Variants in CCNY observed in about 807,000 individuals in gnomAD.
CCNY encodes the protein cyclin Y, also known as cyclin-Y.
In CCNY, 19 loss-of-function variants were observed where a neutral mutation model predicts 42.8. That is an observed-to-expected ratio of 0.44 (90% confidence interval 0.31 to 0.65). The LOEUF (loss-of-function observed/expected upper bound fraction) is 0.65. Among genes scored for constraint, CCNY ranks in the 30% least tolerant of loss-of-function variants. The pLI, the probability that CCNY is intolerant of heterozygous loss-of-function variation, is 0.07. For missense variants in CCNY, 370 were observed against 437.3 expected, an observed-to-expected ratio of 0.85 and a Z score of 1.37; for synonymous variants, 165 against 162.7, an observed-to-expected ratio of 1.01 and a Z score of -0.11.
At chr10:35,382,394 T>C (rs947716319) in intron 1 of CCNY, among the ~76,000 whole-genome samples, 1 of 152,178 alleles carries the variant, frequency 6.6e-6, no homozygotes, top group Non-Finnish European at 1.5e-5. Context: ...CTTGATGCCT[T>C]CTCTTGGGAG....
At chr10:35,511,792 A>G (rs917152670) in intron 3 of CCNY, among the ~76,000 whole-genome samples, 7 of 152,184 alleles carry the variant, frequency 4.6e-5, no homozygotes, top group Admixed American at 3.3e-4. Context: ...TGTTCCTTTC[A>G]TCTTTGAATT....
At chr10:35,560,248 T>C (rs1474754296) in intron 8 of CCNY, among the ~76,000 whole-genome samples, 2 of 152,194 alleles carry the variant, frequency 1.3e-5, no homozygotes, top group Non-Finnish European at 2.9e-5. Context: ...AAGATGGACA[T>C]GAATTCTGAA....
intron 3 of CCNY, among the ~76,000 whole-genome samples, chr10:35,290,334 TGA>T (rs765083510): frequency 1.3e-5 from 2 of 151,646 alleles, no homozygotes; most frequent in Non-Finnish European, 2.9e-5. Flanking sequence ...TGGACTCACT[TGA>T]GCCCAGGAGG....
intron 1 of CCNY, among the ~76,000 whole-genome samples, chr10:35,371,290 T>G (rs1836931432): frequency 6.6e-6 from 1 of 152,226 alleles, no homozygotes; most frequent in Non-Finnish European, 1.5e-5. Flanking sequence ...GTTATTTAAC[T>G]TGGACTCTCA....
intron 1 of CCNY, among the ~76,000 whole-genome samples, chr10:35,478,366 T>C (rs2135357912): frequency 6.6e-6 from 1 of 151,920 alleles, no homozygotes; most frequent in East Asian, 1.9e-4. Flanking sequence ...GCTGGAGGCA[T>C]CACACTACCT....
chr10:35,465,938 A>AGTGTGTGTGTGTGTGTGTGTGTGTGTGT (rs1312410028), intron 1 of CCNY, among the ~76,000 whole-genome samples: 1 of 80,960 alleles, frequency 1.2e-5, no homozygotes, highest in African/African-American at 4.4e-5. Context: ...AGAGAGAGAG[A>AGTGTGTGTGTGTGTGTGTGTGTGTGTGT]GTGTGTGTGT....
chr10:35,330,336 C>G (rs1291830536), intron 3 of CCNY, among the ~76,000 whole-genome samples: 1 of 152,188 alleles, frequency 6.6e-6, no homozygotes, highest in Non-Finnish European at 1.5e-5. Context: ...TGAATCATTT[C>G]TTTTTCCTAC....
At chr10:35,356,340 A>G (rs1836548621) in intron 1 of CCNY, among the ~76,000 whole-genome samples, 3 of 152,204 alleles carry the variant, frequency 2.0e-5, no homozygotes, top group African/African-American at 7.2e-5. Context: ...TTATGCTTGT[A>G]CATCTTAAGA....
upstream of CCNY, among the ~76,000 whole-genome samples, chr10:35,333,148 C>T (rs116479364): frequency 5.9e-3 from 899 of 152,168 alleles, 12 homozygotes; most frequent in African/African-American, 0.021. Context: ...AAGCCATCTT[C>T]CTAATCCTCC....
chr10:35,487,534 T>G (rs1005088597), intron 2 of CCNY, among the ~76,000 whole-genome samples: 3 of 152,124 alleles, frequency 2.0e-5, no homozygotes, highest in Admixed American at 6.5e-5. Context: ...CTAGACTGAT[T>G]TAGATGGCAC....
intron 3 of CCNY, among the ~76,000 whole-genome samples, chr10:35,264,032 A>G (rs1406934485): frequency 6.6e-6 from 1 of 152,212 alleles, no homozygotes; most frequent in Non-Finnish European, 1.5e-5. Context: ...ATGGCTGCAT[A>G]GTATTCCATG....
chr10:35,309,919 G>A (rs1404100957), intron 3 of CCNY, among the ~76,000 whole-genome samples: 1 of 151,696 alleles, frequency 6.6e-6, no homozygotes, highest in East Asian at 1.9e-4. Flanking sequence ...TCCTGCCTCA[G>A]CCTTCCGAGT....
intron 2 of CCNY, among the ~76,000 whole-genome samples, chr10:35,483,984 C>T (rs1839731038): frequency 6.6e-6 from 1 of 151,834 alleles, no homozygotes; most frequent in South Asian, 2.1e-4. Flanking sequence ...TAAGTTTATT[C>T]TTGTAGATCG....
chr10:35,352,814 A>G (rs1836456752), intron 1 of CCNY, among the ~76,000 whole-genome samples: 1 of 152,216 alleles, frequency 6.6e-6, no homozygotes, highest in Non-Finnish European at 1.5e-5. Flanking sequence ...GTGAGGGGAA[A>G]GAGTGGTGAA....
intron 1 of CCNY, among the ~76,000 whole-genome samples, chr10:35,405,488 A>G (rs904501663): frequency 1.3e-5 from 2 of 152,126 alleles, no homozygotes; most frequent in African/African-American, 4.8e-5. Flanking sequence ...GTCTCGACCT[A>G]ATAAGGGAGC....
chr10:35,287,537 C>T (rs1031502688), intron 3 of CCNY, among the ~76,000 whole-genome samples: 2 of 152,228 alleles, frequency 1.3e-5, no homozygotes, highest in African/African-American at 2.4e-5. Flanking sequence ...GTTTTCTTTC[C>T]GTATTAATTT....
At chr10:35,519,931 C>T (rs1006509726) in intron 4 of CCNY, among the ~76,000 whole-genome samples, 1 of 151,990 alleles carries the variant, frequency 6.6e-6, no homozygotes, top group Non-Finnish European at 1.5e-5. Context: ...GTACACACTA[C>T]CATGGCCAGC....
intron 3 of CCNY, among the ~76,000 whole-genome samples, chr10:35,255,726 C>T (rs2095715022): frequency 6.6e-6 from 1 of 152,092 alleles, no homozygotes; most frequent in South Asian, 2.1e-4. Context: ...TCTCAAGTAG[C>T]TGGGACCACA....
intron 3 of CCNY, among the ~76,000 whole-genome samples, chr10:35,301,463 T>C (rs974679541): frequency 4.6e-5 from 7 of 152,216 alleles, no homozygotes; most frequent in African/African-American, 1.7e-4. Context: ...TTCACTTCCA[T>C]GTAGTCCATG....
Sources: allele counts gnomAD v4.1 joint callset (sites outside exome capture counted in the v4.1 genomes callset), GRCh38; gene constraint gnomAD v4.1.1; transcripts MANE v1.5; gene names NCBI Gene and HGNC (gene_info 2026-07-23, HGNC 2026-07-21).